Variants in IL1RAPL1 observed in about 807,000 individuals in gnomAD.
The protein encoded by IL1RAPL1 is interleukin 1 receptor accessory protein like 1.
Under a neutral mutation model 48.4 loss-of-function variants are expected in IL1RAPL1, and 3 were observed. The observed-to-expected ratio is 0.06, with a 90% CI of 0.03 to 0.16. The LOEUF is 0.16. Ranked by LOEUF, IL1RAPL1 falls within the 10% of genes least tolerant of loss-of-function variation. IL1RAPL1 has a pLI of 1.00. For missense variants in IL1RAPL1, 349 were observed against 530.6 expected (o/e 0.66, Z 3.36); for synonymous variants, 185 against 187.7 (o/e 0.99, Z 0.12).
intron 2 of IL1RAPL1, among the ~76,000 whole-genome samples, chrX:29,152,235 T>C (rs1484831825): frequency 1.8e-5 from 2 of 110,984 alleles, no homozygotes; most frequent in Non-Finnish European, 3.8e-5. Flanking sequence ...ATGATTCAAC[T>C]ACCTCCCACC....
chrX:28,690,796 T>C (rs955277809), intron 1 of IL1RAPL1, among the ~76,000 whole-genome samples: 1 of 110,842 alleles, frequency 9.0e-6, no homozygotes, highest in African/African-American at 3.3e-5. Context: ...CAACCATAAT[T>C]TTAACCATAA....
intron 2 of IL1RAPL1, among the ~76,000 whole-genome samples, chrX:29,178,776 G>T (rs1309323322): frequency 1.8e-5 from 2 of 111,890 alleles, no homozygotes; most frequent in Admixed American, 9.5e-5. Flanking sequence ...TTTTGTAAAA[G>T]GTGTAAGGAA....
chrX:29,906,519 AT>A (rs1437517274), intron 6 of IL1RAPL1, among the ~76,000 whole-genome samples: 2 of 44,614 alleles, frequency 4.5e-5, no homozygotes, highest in Non-Finnish European at 7.7e-5. Context: ...ATATATATAT[AT>A]ATTTCTGTAG....
chrX:29,891,773 A>T (rs1189142816), intron 6 of IL1RAPL1, among the ~76,000 whole-genome samples: 2 of 111,629 alleles, frequency 1.8e-5, no homozygotes, highest in African/African-American at 6.5e-5. Context: ...TATAAAGGAG[A>T]TGAGAACAAT....
chrX:29,076,257 A>T (rs1927667837), intron 2 of IL1RAPL1, among the ~76,000 whole-genome samples: 1 of 111,670 alleles, frequency 9.0e-6, no homozygotes, highest in Admixed American at 9.5e-5. Flanking sequence ...CTTTTCCTTA[A>T]TTTATCTTCT....
intron 3 of IL1RAPL1, among the ~76,000 whole-genome samples, chrX:29,285,075 G>A (rs771738583): frequency 1.8e-5 from 2 of 111,999 alleles, no homozygotes; most frequent in Non-Finnish European, 3.8e-5. Context: ...TTAGAATTGA[G>A]TTGGATGTCC....
chrX:29,473,371 T>C (rs1934941271), intron 5 of IL1RAPL1, among the ~76,000 whole-genome samples: 1 of 111,120 alleles, frequency 9.0e-6, no homozygotes, highest in African/African-American at 3.3e-5. Context: ...CTGCAATATA[T>C]AAATTTGAGA....
At chrX:29,066,770 G>C (rs1346911003) in intron 2 of IL1RAPL1, among the ~76,000 whole-genome samples, 1 of 111,997 alleles carries the variant, frequency 8.9e-6, no homozygotes, top group African/African-American at 3.3e-5. Context: ...GGTGGAGGAG[G>C]GGAGCTCCAA....
At chrX:29,562,811 G>A (rs1420724302) in intron 5 of IL1RAPL1, among the ~76,000 whole-genome samples, 2 of 111,768 alleles carry the variant, frequency 1.8e-5, no homozygotes, top group Non-Finnish European at 3.8e-5. Flanking sequence ...TTTCTAGTTA[G>A]TGGCAATCAT....
intron 2 of IL1RAPL1, among the ~76,000 whole-genome samples, chrX:29,220,176 C>T (rs1047339897): frequency 2.7e-5 from 3 of 111,675 alleles, no homozygotes; most frequent in Non-Finnish European, 3.8e-5. Flanking sequence ...ACCAACTGCC[C>T]ACCTGGTTGA....
At chrX:29,365,238 G>A (rs1378170303) in intron 3 of IL1RAPL1, among the ~76,000 whole-genome samples, 1 of 111,598 alleles carries the variant, frequency 9.0e-6, no homozygotes, top group African/African-American at 3.3e-5. Flanking sequence ...GTGAGGGAGA[G>A]CATGGCACGT....
At chrX:29,866,573 G>A (rs1363754569) in intron 6 of IL1RAPL1, among the ~76,000 whole-genome samples, 1 of 108,820 alleles carries the variant, frequency 9.2e-6, no homozygotes, top group Non-Finnish European at 1.9e-5. Flanking sequence ...AATATTTGAC[G>A]TGGTGTTAGG....
chrX:29,240,436 T>C (rs5985980), intron 2 of IL1RAPL1, among the ~76,000 whole-genome samples: 7,198 of 105,777 alleles, frequency 0.068, 688 homozygotes, highest in African/African-American at 0.24. Context: ...GGTTTCATCA[T>C]GTTGGCCAGG....
chrX:29,366,503 C>CA (rs1228428399), intron 3 of IL1RAPL1, among the ~76,000 whole-genome samples: 4 of 85,697 alleles, frequency 4.7e-5, no homozygotes, highest in African/African-American at 1.8e-4. Context: ...AAATTTTCAA[C>CA]AAAAATAACT....
chrX:29,299,496 G>A (rs933970628), intron 3 of IL1RAPL1, among the ~76,000 whole-genome samples: 1 of 111,297 alleles, frequency 9.0e-6, no homozygotes, highest in Non-Finnish European at 1.9e-5. Flanking sequence ...AAAAATAGAT[G>A]TCACCTTTAA....
chrX:29,643,893 G>C (rs1046495544), intron 5 of IL1RAPL1, among the ~76,000 whole-genome samples: 2 of 111,524 alleles, frequency 1.8e-5, no homozygotes, highest in African/African-American at 6.5e-5. Context: ...ATTTTTTTGT[G>C]TGTGTCAGGC....
intron 2 of IL1RAPL1, among the ~76,000 whole-genome samples, chrX:29,124,149 C>T (rs1053238230): frequency 8.9e-6 from 1 of 111,768 alleles, no homozygotes; most frequent in Non-Finnish European, 1.9e-5. Flanking sequence ...CGGAAATATA[C>T]TTAAAAGATC....
At chrX:29,198,829 A>T (rs1930495470) in intron 2 of IL1RAPL1, among the ~76,000 whole-genome samples, 1 of 111,922 alleles carries the variant, frequency 8.9e-6, no homozygotes, top group Non-Finnish European at 1.9e-5. Context: ...CTGTATTTTT[A>T]AAAAAACTTT....
intron 6 of IL1RAPL1, among the ~76,000 whole-genome samples, chrX:29,897,375 A>T (rs1035487699): frequency 1.8e-5 from 2 of 112,309 alleles, no homozygotes; most frequent in Admixed American, 1.9e-4. Flanking sequence ...AAATAAAATG[A>T]TCTCTCAGAA....
Sources: allele counts gnomAD v4.1 joint callset (sites outside exome capture counted in the v4.1 genomes callset), GRCh38; gene constraint gnomAD v4.1.1; transcripts MANE v1.5; gene names NCBI Gene and HGNC (gene_info 2026-07-23, HGNC 2026-07-21).